The following WDR33 variants were observed in gnomAD, a reference collection of about 807,000 sequenced individuals.
The protein encoded by WDR33 is pre-mRNA 3' end processing protein WDR33.
Under a neutral mutation model 164.9 loss-of-function variants are expected in WDR33, and 47 were observed. The ratio of observed to expected loss-of-function variants is 0.29; its 90% CI spans 0.23 to 0.36. The LOEUF is 0.36. WDR33 is among the 10% of genes least tolerant of loss of function. The pLI is 1.00. For missense variants in WDR33, 1,137 were observed against 1,754.1 expected (o/e 0.65, Z 6.28); for synonymous variants, 505 against 589.0 (o/e 0.86, Z 2.06).
At chr2:127,801,378 G>A (rs547496104) in intron 1 of WDR33, among the ~76,000 whole-genome samples, 3 of 152,072 alleles carry the variant, frequency 2.0e-5, no homozygotes, top group African/African-American at 7.2e-5. Context: ...ATGGTACAAT[G>A]AGGCTGGGCA....
At chr2:127,751,352 C>A (rs1331148247) in intron 7 of WDR33, among the ~76,000 whole-genome samples, 1 of 141,026 alleles carries the variant, frequency 7.1e-6, no homozygotes, top group African/African-American at 2.8e-5. Flanking sequence ...CAGAGCAAGA[C>A]CTTATCTCAA....
In WDR33 at chr2:127,706,372, G is replaced by A; in HGVS notation, c.3962C>T (p.Ser1321Phe). The change falls in exon 22 of 22, where the codon TCT becomes TTT. Residue 1321 changes from serine to phenylalanine, a missense_variant. Physicochemically the swap from Ser to Phe is radical, Grantham distance 155. Around this residue, in one of 9 missense-constraint regions of WDR33, gnomAD observed 867 missense variants for 1,073.0 expected, o/e 0.81. Transcript: ENST00000322313. The surrounding 1 kb of genome is among the most constrained non-coding windows in gnomAD (Gnocchi z 5.1). ...TGAAGCTCCTCGCCTCGGCGGGCCA[G>A]AGTTCATGTTACTCCCTCTACCCCA... ...SNWGRGSNMNSGPPRRGASRG... is the reference protein window; with the variant it reads ...SNWGRGSNMNFGPPRRGASRG... 1.9e-6 allele frequency: 3 copies of A among 1,608,328 alleles called. No individual in the cohort carries two copies. Among genetic ancestry groups the A allele is most frequent in the Non-Finnish European group, 2.5e-6 (3 of 1,177,212 alleles).
chr2:127,774,481 A>C (rs2105449832), intron 1 of WDR33, among the ~76,000 whole-genome samples: 1 of 152,344 alleles, frequency 6.6e-6, no homozygotes, highest in South Asian at 2.1e-4. Context: ...AAAGGGATTT[A>C]AATATTCAGC....
chr2:127,720,476 C>T lies in WDR33; in HGVS notation c.1672-123G>A, dbSNP rs1004136880. On this transcript the variant is annotated intron_variant, in intron 15 of 21. Coordinates refer to ENST00000322313, the MANE Select transcript of WDR33 (RefSeq NM_018383.5). This position sits in a 1 kb window ranked among gnomAD's most constrained non-coding sequence, Gnocchi z 5.9. ...ACATAAAAACTGCTCAAACTCTTCA[C>T]GCTCCAGTGGTAATTAGAGTCCATG... 24 of 1,207,192 alleles carry T rather than the reference C, an allele frequency of 2.0e-5. No individual in the cohort carries two copies. The highest frequency in any genetic ancestry group is 3.1e-5 in the African/African-American group (2 of 65,066). 74.8% of individuals were successfully genotyped at this position (1,207,192 alleles called of 1,614,324 possible). A position where few individuals can be genotyped will look rare whatever the true frequency, so the allele number is the denominator to read the frequency against.
In WDR33 at chr2:127,712,734, T is replaced by G. The variant is rs535987695; in HGVS notation, c.3308+849A>C. Among the ~76,000 whole-genome samples, 4 of 152,318 alleles carry G rather than the reference T, an allele frequency of 2.6e-5. No individual in the cohort carries two copies. Among genetic ancestry groups the G allele is most frequent in the African/African-American group, 9.6e-5 (4 of 41,552 alleles). On this transcript the variant is annotated intron_variant, in intron 18 of 21. Transcript: ENST00000322313. The surrounding 1 kb of genome is among the most constrained non-coding windows in gnomAD (Gnocchi z 4.0). Reference sequence around the variant, plus strand: ...TTATTCTGAGTCTCACTTGAGATTTTACTATTTCCTGGTGTTTTTTTGTTT... The same window carrying G: ...TTATTCTGAGTCTCACTTGAGATTTGACTATTTCCTGGTGTTTTTTTGTTT...
Position 127,778,861 on chromosome 2 carries a change from A to T in WDR33, c.-23-7857T>A, listed in dbSNP as rs539752103. Among the ~76,000 whole-genome samples the T allele has an allele frequency of 3.0e-3, 460 of 152,312 alleles. 2 individuals are homozygous for T. Among genetic ancestry groups the T allele is most frequent in the Non-Finnish European group, 5.5e-3 (375 of 68,028 alleles). On this transcript the variant is annotated intron_variant, in intron 1 of 21. Transcript: ENST00000322313. ...TAATCTTTCACCAACCAAATTTCTG[A>T]CTACCATTTGAATTATTTTACCATA... is the stretch of plus-strand genomic sequence containing the variant.
intron 4 of WDR33, among the ~76,000 whole-genome samples, chr2:127,767,848 A>T (rs1687870275): frequency 6.6e-6 from 1 of 152,246 alleles, no homozygotes; most frequent in African/African-American, 2.4e-5. Flanking sequence ...TTAACTCCTA[A>T]GTATTTTTCA....
chr2:127,802,711 C>T (rs1299933110), intron 1 of WDR33, among the ~76,000 whole-genome samples: 1 of 152,100 alleles, frequency 6.6e-6, no homozygotes, highest in African/African-American at 2.4e-5. Flanking sequence ...GGTGCAGTGG[C>T]TCATGCCTTG....
intron 21 of WDR33, among the ~76,000 whole-genome samples, chr2:127,707,587 G>A (rs1296358090): frequency 1.3e-5 from 2 of 152,210 alleles, no homozygotes; most frequent in Non-Finnish European, 2.9e-5. Context: ...AGTCAGCCAA[G>A]GTCACAGCAC....
chr2:127,801,500 C>T (rs1478190466), intron 1 of WDR33, among the ~76,000 whole-genome samples: 2 of 131,308 alleles, frequency 1.5e-5, no homozygotes, highest in Non-Finnish European at 3.2e-5. Context: ...AAAAAACAAA[C>T]AAACAAACAA....
At chr2:127,797,143 C>T (rs923431268) in intron 1 of WDR33, among the ~76,000 whole-genome samples, 2 of 151,944 alleles carry the variant, frequency 1.3e-5, no homozygotes, top group African/African-American at 4.8e-5. Context: ...GATGATTTTC[C>T]TATTTTATAC....
At chr2:127,730,635 AAAGC>A (rs1278901224) in intron 7 of WDR33, among the ~76,000 whole-genome samples, 5 of 150,888 alleles carry the variant, frequency 3.3e-5, no homozygotes, top group African/African-American at 1.2e-4. Context: ...TGTGAACTAA[AAAGC>A]AAGCAAAACA....
intron 1 of WDR33, among the ~76,000 whole-genome samples, chr2:127,784,521 T>G (rs1193183405): frequency 6.6e-6 from 1 of 152,144 alleles, no homozygotes; most frequent in South Asian, 2.1e-4. Flanking sequence ...TAGCGGGGAC[T>G]ACAGGTACGT....
Position 127,706,655 on chromosome 2 carries a change from G to C in WDR33, c.3782-103C>G, listed in dbSNP as rs1307312993. ...CTCTGATGACAATGGACCAGTTCTG[G>C]TGGGTGCCAGGGAGACTGGCAGTGG... On this transcript the variant is annotated intron_variant, in intron 21 of 21. Coordinates refer to ENST00000322313, the MANE Select transcript of WDR33 (RefSeq NM_018383.5). The surrounding 1 kb of genome is among the most constrained non-coding windows in gnomAD (Gnocchi z 5.1). 9.3e-7 allele frequency: 1 copy of C among 1,073,952 alleles called. No homozygotes were observed. The highest frequency in any genetic ancestry group is 1.3e-6 in the Non-Finnish European group (1 of 749,022). 66.5% of individuals were successfully genotyped at this position (1,073,952 alleles called of 1,614,324 possible).
Position 127,735,979 on chromosome 2 carries a change from G to GT in WDR33, c.725-9203dup. On this transcript the variant is annotated intron_variant, in intron 7 of 21. Transcript: ENST00000322313. This position sits in a 1 kb window ranked among gnomAD's most constrained non-coding sequence, Gnocchi z 4.3. ...AGGGGGTATGCCTAGGCAGGGCAGT[G>GT]TTTTCACAATGTATGTTCCAACAAT... 1 of 985,432 alleles carries GT rather than the reference G, an allele frequency of 1.0e-6. No individual in the cohort carries two copies. Among genetic ancestry groups the GT allele is most frequent in the Non-Finnish European group, 1.2e-6 (1 of 829,936 alleles). 61.0% of individuals were successfully genotyped at this position (985,432 alleles called of 1,614,324 possible).
rs760680507 is a variant in WDR33, at chr2:127,713,726, G to A, written c.3165C>T (p.Pro1055=). 9 of 1,614,098 alleles carry A rather than the reference G, an allele frequency of 5.6e-6. No homozygotes were observed. The African/African-American group carries it at 1.1e-4, about 19-fold the overall frequency. ...CCTCGCTGAATTCCCTGTGATCAGG[G>A]GGAAACGGAGGCCCAGGGCCCCCTC... The part of the protein sequence containing the change: ...WRRGGPGPPF[P]PDHREFSEGD... The change falls in exon 18 of 22, where the codon CCC becomes CCT. Residue 1055 remains proline, a synonymous_variant. Coordinates refer to ENST00000322313, the MANE Select transcript of WDR33 (RefSeq NM_018383.5). The surrounding 1 kb of genome is among the most constrained non-coding windows in gnomAD (Gnocchi z 6.2).
intron 7 of WDR33, chr2:127,737,606 A>G (rs1686886813): frequency 1.0e-6 from 1 of 1,002,766 alleles, no homozygotes; most frequent in Non-Finnish European, 1.2e-6. Context: ...TTAATAATAG[A>G]TGTATTAGTG....
At chr2:127,768,336 T>C in intron 3 of WDR33, 43 bp from the exon 4 acceptor site, 5 of 1,248,968 alleles carry the variant, frequency 4.0e-6, no homozygotes, top group East Asian at 2.6e-5. Flanking sequence ...CCTGATTACA[T>C]ACAAGGCAGA....
intron 1 of WDR33, among the ~76,000 whole-genome samples, chr2:127,788,454 C>A (rs1362838756): frequency 2.5e-5 from 3 of 120,172 alleles, no homozygotes; most frequent in Non-Finnish European, 5.2e-5. Flanking sequence ...CCGGACGGGG[C>A]GGCTGGCCGG....
Sources: allele counts gnomAD v4.1 joint callset (sites outside exome capture counted in the v4.1 genomes callset), GRCh38; gene constraint gnomAD v4.1.1; regional missense constraint gnomAD v4.1.1; non-coding constraint Gnocchi (gnomAD v3.1); transcripts MANE v1.5; gene names NCBI Gene and HGNC (gene_info 2026-07-23, HGNC 2026-07-21).